The following MMP16 variants were observed in gnomAD, a reference collection of about 807,000 sequenced individuals.
The protein encoded by MMP16 is matrix metalloproteinase-16.
Under a neutral mutation model 67.8 loss-of-function variants are expected in MMP16, and 12 were observed. The observed-to-expected ratio is 0.18, with a 90% confidence interval of 0.11 to 0.29. The LOEUF (loss-of-function observed/expected upper bound fraction) is 0.29, where lower values mean the gene tolerates loss of function less well. Ranked by LOEUF, MMP16 falls within the 10% of genes least tolerant of loss-of-function variation. The probability of loss-of-function intolerance (pLI) is 1.00; values close to 1 mark genes in which losing one functional copy is unlikely to be tolerated. For missense variants in MMP16, 475 were observed against 765.7 expected (o/e 0.62, Z 4.48); for synonymous variants, 249 against 255.9 (o/e 0.97, Z 0.26).
chr8:88,296,939 A>C (rs1271916172), intron 1 of MMP16, among the ~76,000 whole-genome samples: 4 of 152,020 alleles, frequency 2.6e-5, no homozygotes, highest in Non-Finnish European at 5.9e-5. Context: ...TAAATAATTA[A>C]ATAATAAAAA....
intron 1 of MMP16, among the ~76,000 whole-genome samples, chr8:88,292,786 G>A (rs1461737256): frequency 2.6e-5 from 4 of 152,046 alleles, no homozygotes; most frequent in African/African-American, 9.7e-5. Flanking sequence ...CTGAAAGGAT[G>A]AACATTTAAC....
intron 8 of MMP16, among the ~76,000 whole-genome samples, chr8:88,049,454 T>C (rs897729746): frequency 6.6e-6 from 1 of 152,198 alleles, no homozygotes; most frequent in Non-Finnish European, 1.5e-5. Flanking sequence ...GGGTTTACAA[T>C]AGTTATTTAA....
chr8:88,185,816 T>C (rs1465971574), intron 3 of MMP16, among the ~76,000 whole-genome samples: 2 of 152,170 alleles, frequency 1.3e-5, no homozygotes, highest in Non-Finnish European at 2.9e-5. Flanking sequence ...ATAACAAGCA[T>C]TGTATTTATA....
At chr8:88,191,291 C>T (rs563782376) in intron 2 of MMP16, among the ~76,000 whole-genome samples, 125 of 152,220 alleles carry the variant, frequency 8.2e-4, no homozygotes, top group African/African-American at 2.9e-3. Context: ...GTTTCCGCAT[C>T]TTTAAAGGAG....
intron 1 of MMP16, among the ~76,000 whole-genome samples, chr8:88,225,345 A>C (rs564827649): frequency 6.6e-6 from 1 of 152,080 alleles, no homozygotes; most frequent in African/African-American, 2.4e-5. Flanking sequence ...TTCTTCTCTT[A>C]CCATTCACAC....
chr8:88,225,916 GTGTC>G (rs1337898783), intron 1 of MMP16, among the ~76,000 whole-genome samples: 3 of 151,906 alleles, frequency 2.0e-5, no homozygotes, highest in Admixed American at 2.0e-4. Flanking sequence ...CTGTGTGTGT[GTGTC>G]TGTGTGTGAA....
At chr8:88,165,452 A>G (rs1309784650) in intron 4 of MMP16, among the ~76,000 whole-genome samples, 2 of 152,024 alleles carry the variant, frequency 1.3e-5, no homozygotes, top group East Asian at 3.9e-4. Context: ...TTTTCAGAAT[A>G]TCAAAAGAAA....
Position 88,062,712 on chromosome 8 carries a change from C to T in MMP16, c.1223-6434G>A, listed in dbSNP as rs143980336. The stretch of plus-strand genomic sequence containing the variant: ...TAGGAGATATACCTAATGTAAATGA[C>T]GAGTTAATGGGTGCAGCACACCAAC... On this transcript the variant is annotated intron_variant, in intron 7 of 9. Coordinates refer to ENST00000286614, the MANE Select transcript of MMP16 (RefSeq NM_005941.5). Among the ~76,000 whole-genome samples the T allele has an allele frequency of 2.8e-3, 420 of 151,844 alleles. 13 individuals are homozygous for T. In the East Asian group the frequency reaches 0.057, roughly 21 times the overall value.
Position 88,327,069 on chromosome 8 carries a change from T to A in MMP16, c.132+6A>T, listed in dbSNP as rs1323305351. ...GGGGGGAGGAAGAAAGCCCTCGCAC[T>A]CTTACCTCCACATTGAAATACTGCT... On this transcript the variant is annotated splice_donor_region_variant and intron_variant, in intron 1 of 9. Coordinates refer to ENST00000286614, the MANE Select transcript of MMP16 (RefSeq NM_005941.5). 1 of 1,613,774 alleles carries A rather than the reference T, an allele frequency of 6.2e-7. No homozygotes were observed. Among genetic ancestry groups the A allele is most frequent in the South Asian group, 1.1e-5 (1 of 91,056 alleles).
chr8:88,120,299 C>CA (rs1267751248), intron 4 of MMP16, among the ~76,000 whole-genome samples: 1 of 151,886 alleles, frequency 6.6e-6, no homozygotes, highest in East Asian at 2.0e-4. Context: ...CCTTAGGGGG[C>CA]ACTCACAGGT....
intron 4 of MMP16, among the ~76,000 whole-genome samples, chr8:88,153,236 A>G (rs537024633): frequency 5.9e-5 from 9 of 152,102 alleles, no homozygotes; most frequent in African/African-American, 2.2e-4. Context: ...AAATGGAAGA[A>G]CATTCCATGC....
At chr8:88,294,933 G>A (rs367774280) in intron 1 of MMP16, among the ~76,000 whole-genome samples, 28 of 152,210 alleles carry the variant, frequency 1.8e-4, no homozygotes, top group South Asian at 8.3e-4. Flanking sequence ...GGCTGGCCTC[G>A]CACTCCTGAC....
At chr8:88,162,316 A>T (rs1327671891) in intron 4 of MMP16, among the ~76,000 whole-genome samples, 1 of 152,028 alleles carries the variant, frequency 6.6e-6, no homozygotes, top group East Asian at 1.9e-4. Context: ...AATGAAGCTC[A>T]TTCCAGGAAA....
intron 1 of MMP16, among the ~76,000 whole-genome samples, chr8:88,290,492 G>A (rs538118144): frequency 6.6e-6 from 1 of 152,070 alleles, no homozygotes; most frequent in Non-Finnish European, 1.5e-5. Flanking sequence ...GGCAGAGCTT[G>A]CAATGAGCAG....
chr8:88,108,297 GGCTA>G (rs1809276663), intron 6 of MMP16, among the ~76,000 whole-genome samples: 1 of 151,088 alleles, frequency 6.6e-6, no homozygotes, highest in Non-Finnish European at 1.5e-5. Context: ...TTGGAGAAAC[GGCTA>G]GCTATCTAAC....
At chr8:88,189,074 A>G (rs1054859739) in intron 2 of MMP16, among the ~76,000 whole-genome samples, 3 of 152,192 alleles carry the variant, frequency 2.0e-5, no homozygotes, top group Non-Finnish European at 4.4e-5. Flanking sequence ...CTTGTGTTCT[A>G]ACTATTTGTT....
intron 6 of MMP16, among the ~76,000 whole-genome samples, chr8:88,109,834 G>T (rs1809303801): frequency 6.6e-6 from 1 of 151,050 alleles, no homozygotes; most frequent in African/African-American, 2.4e-5. Flanking sequence ...TTTTAACATG[G>T]AAAAGACTTG....
chr8:88,120,718 C>T (rs1286139462), intron 4 of MMP16, among the ~76,000 whole-genome samples: 2 of 151,928 alleles, frequency 1.3e-5, no homozygotes, highest in Non-Finnish European at 2.9e-5. Context: ...TGAACTCAGT[C>T]AGAAGACAGT....
chr8:88,147,979 G>A (rs769522729), intron 4 of MMP16, among the ~76,000 whole-genome samples: 7 of 151,894 alleles, frequency 4.6e-5, no homozygotes, highest in Non-Finnish European at 8.8e-5. Flanking sequence ...ACTATTTTCC[G>A]TATCTCCTAA....
Sources: gnomAD v4.1 joint callset for allele counts (sites outside exome capture counted in the v4.1 genomes callset) on GRCh38, gnomAD v4.1.1 for gene constraint, MANE v1.5 for transcripts, NCBI Gene and HGNC (gene_info 2026-07-23, HGNC 2026-07-21) for gene names.